ADGRV1: variants seen among roughly 807,000 people sequenced by gnomAD.
ADGRV1 encodes the protein G-protein coupled receptor 98.
ADGRV1 carries 359 observed loss-of-function variants against 596.2 expected under a neutral mutation model. The observed-to-expected ratio is 0.60, with a 90% confidence interval of 0.55 to 0.66. The LOEUF is 0.66. Ranked by LOEUF, ADGRV1 falls within the 30% of genes least tolerant of loss-of-function variation. ADGRV1 has a pLI of 0.00. For synonymous variants in ADGRV1, 2,681 were observed against 2,679.2 expected, an observed-to-expected ratio of 1.00 and a Z score of -0.02; for missense variants, 7,274 against 7,575.6, an observed-to-expected ratio of 0.96 and a Z score of 1.48.
Position 90,673,946 on chromosome 5 carries a change from A to T in ADGRV1, c.4930-108A>T, listed in dbSNP as rs2149544523. ...TTTAATTTATGCAGAAATAAGTCGTAAGTGGTAACTTCATTTAAATATAAT... is the reference window on the plus strand; with the variant it reads ...TTTAATTTATGCAGAAATAAGTCGTTAGTGGTAACTTCATTTAAATATAAT... On this transcript the variant is annotated intron_variant, in intron 22 of 89. Coordinates refer to ENST00000405460, the MANE Select transcript of ADGRV1 (RefSeq NM_032119.4). 5.6e-6 allele frequency: 4 copies of T among 713,506 alleles called. No individual in the cohort carries two copies. In the Admixed American group the frequency reaches 1.1e-4, roughly 19 times the overall value. 44.2% of individuals were successfully genotyped at this position (713,506 alleles called of 1,614,324 possible). A position where few individuals can be genotyped will look rare whatever the true frequency, so the allele number is the denominator to read the frequency against.
At chr5:90,798,293 A>G (rs932046165) in intron 70 of ADGRV1, among the ~76,000 whole-genome samples, 7 of 152,184 alleles carry the variant, frequency 4.6e-5, no homozygotes, top group Admixed American at 6.5e-5. Context: ...AATACTATAA[A>G]CACCTCTATG....
intron 1 of ADGRV1, among the ~76,000 whole-genome samples, chr5:90,598,529 G>T (rs910951750): frequency 1.3e-5 from 2 of 152,190 alleles, no homozygotes; most frequent in African/African-American, 4.8e-5. Flanking sequence ...CCAGGAGTTG[G>T]GGCTAGCGAG....
intron 83 of ADGRV1, among the ~76,000 whole-genome samples, chr5:90,888,398 T>C (rs763382688): frequency 1.3e-5 from 2 of 152,168 alleles, no homozygotes; most frequent in Non-Finnish European, 2.9e-5. Context: ...GGACATAAAA[T>C]CATAGGTGTT....
At position 91,013,333 on chromosome 5, in the gene ADGRV1, T is replaced by TG. The variant is rs1230571227; in HGVS notation, c.18152+27812dup. Among the ~76,000 whole-genome samples the TG allele has an allele frequency of 3.9e-5, 6 of 152,218 alleles. No homozygotes were observed. In the East Asian group the frequency reaches 7.7e-4, roughly 20 times the overall value. ...GACTAATTTACATTAGCACCAACAGTGTATAATTGTCCCCTTTTCTTGGCA... is the reference window on the plus strand; with the variant it reads ...GACTAATTTACATTAGCACCAACAGTGGTATAATTGTCCCCTTTTCTTGGCA... On this transcript the variant is annotated intron_variant, in intron 85 of 89. Coordinates refer to ENST00000405460, the MANE Select transcript of ADGRV1 (RefSeq NM_032119.4).
chr5:90,696,123 T>G (rs1307626839), intron 33 of ADGRV1, among the ~76,000 whole-genome samples: 6 of 152,124 alleles, frequency 3.9e-5, no homozygotes, highest in African/African-American at 1.4e-4. Flanking sequence ...TTAATCTCCT[T>G]TCTCCTTTTC....
chr5:90,813,863 G>GA (rs777979377), intron 74 of ADGRV1, among the ~76,000 whole-genome samples: 2 of 151,956 alleles, frequency 1.3e-5, no homozygotes, highest in African/African-American at 4.8e-5. Flanking sequence ...GTAAGTCAGG[G>GA]AAAAAATAGT....
At chr5:90,794,419 A>G (rs951302173) in intron 70 of ADGRV1, among the ~76,000 whole-genome samples, 7 of 152,296 alleles carry the variant, frequency 4.6e-5, no homozygotes, top group African/African-American at 1.7e-4. Flanking sequence ...GGCTTGAAAT[A>G]CTTTTTCAGA....
intron 85 of ADGRV1, among the ~76,000 whole-genome samples, chr5:91,059,976 G>A (rs1348450233): frequency 6.6e-6 from 1 of 151,918 alleles, no homozygotes; most frequent in Non-Finnish European, 1.5e-5. Context: ...ACATTTTTAT[G>A]TACTAACCCA....
chr5:90,804,433 C>T (rs1295734780), intron 71 of ADGRV1, among the ~76,000 whole-genome samples: 1 of 151,890 alleles, frequency 6.6e-6, no homozygotes, highest in Non-Finnish European at 1.5e-5. Flanking sequence ...AGAGAAGCCT[C>T]ACTGTAACAG....
intron 83 of ADGRV1, among the ~76,000 whole-genome samples, chr5:90,915,597 G>A (rs1773278974): frequency 6.6e-6 from 1 of 152,166 alleles, no homozygotes; most frequent in Non-Finnish European, 1.5e-5. Context: ...TTGGTGGAAA[G>A]AGGGTGGGAA....
intron 83 of ADGRV1, among the ~76,000 whole-genome samples, chr5:90,958,503 G>T (rs1274614912): frequency 1.3e-5 from 2 of 150,988 alleles, no homozygotes; most frequent in African/African-American, 2.5e-5. Flanking sequence ...GTTTGCTAGG[G>T]CTGCCATAGC....
chr5:91,104,119 G>A (rs577848547), intron 87 of ADGRV1, among the ~76,000 whole-genome samples: 6 of 151,920 alleles, frequency 3.9e-5, no homozygotes, highest in Admixed American at 2.0e-4. Context: ...ATTTTGAATG[G>A]GATGACATGT....
chr5:90,585,744 T>C (rs1328913162), intron 1 of ADGRV1, among the ~76,000 whole-genome samples: 1 of 152,182 alleles, frequency 6.6e-6, no homozygotes, highest in Non-Finnish European at 1.5e-5. Flanking sequence ...CATGTTAGGA[T>C]TGAAGTTGAT....
intron 5 of ADGRV1, among the ~76,000 whole-genome samples, chr5:90,623,880 C>T (rs1764406450): frequency 2.0e-5 from 3 of 152,184 alleles, no homozygotes; most frequent in African/African-American, 7.2e-5. Context: ...TGCTTACTGA[C>T]CATGTGCCAA....
chr5:90,685,583 A>G (rs1394600003), intron 28 of ADGRV1, among the ~76,000 whole-genome samples, 197 bp from the exon 29 acceptor site: 3 of 148,896 alleles, frequency 2.0e-5, no homozygotes, highest in African/African-American at 7.4e-5. Flanking sequence ...CCTGCGTGGT[A>G]GAGAGTCCAT....
intron 59 of ADGRV1, among the ~76,000 whole-genome samples, chr5:90,769,563 A>G (rs2150043507): frequency 6.6e-6 from 1 of 152,318 alleles, no homozygotes; most frequent in Admixed American, 6.5e-5. Flanking sequence ...GCATTCTAAA[A>G]CAACTTGAAT....
intron 83 of ADGRV1, among the ~76,000 whole-genome samples, chr5:90,928,732 T>C (rs547441088): frequency 6.6e-6 from 1 of 151,718 alleles, no homozygotes; most frequent in South Asian, 2.1e-4. Flanking sequence ...TTCCCGTTTT[T>C]CTGTTCTGTT....
At chr5:90,729,437 G>A (rs1267703072) in intron 49 of ADGRV1, among the ~76,000 whole-genome samples, 2 of 152,028 alleles carry the variant, frequency 1.3e-5, no homozygotes, top group African/African-American at 4.8e-5. Flanking sequence ...TTATATCATG[G>A]TTAATGACTA....
chr5:91,155,439 G>A (rs73771200), intron 89 of ADGRV1, among the ~76,000 whole-genome samples: 1,596 of 152,266 alleles, frequency 0.01, 36 homozygotes, highest in African/African-American at 0.037. Flanking sequence ...TAGCTTGCCG[G>A]CACCATCAAT....
Sources: allele counts gnomAD v4.1 joint callset (sites outside exome capture counted in the v4.1 genomes callset), GRCh38; gene constraint gnomAD v4.1.1; transcripts MANE v1.5; gene names NCBI Gene and HGNC (gene_info 2026-07-23, HGNC 2026-07-21).